NT5C3A: variants seen among roughly 807,000 people sequenced by gnomAD.
The protein encoded by NT5C3A is cytosolic 5'-nucleotidase 3A.
NT5C3A carries 23 observed loss-of-function variants against 40.0 expected under a neutral mutation model. The observed-to-expected ratio is 0.58, with a 90% confidence interval of 0.41 to 0.81. The LOEUF (loss-of-function observed/expected upper bound fraction) is 0.81, where lower values mean the gene tolerates loss of function less well. Ranked by LOEUF, NT5C3A falls within the 40% of genes least tolerant of loss-of-function variation. The pLI is 0.00. For synonymous variants in NT5C3A, 130 were observed against 141.4 expected (o/e 0.92, Z 0.57); for missense variants, 328 against 403.0 (o/e 0.81, Z 1.59).
At chr7:33,025,673 A>G (rs1332649088) in intron 2 of NT5C3A, among the ~76,000 whole-genome samples, 2 of 152,342 alleles carry the variant, frequency 1.3e-5, no homozygotes, top group East Asian at 3.9e-4. Context: ...TGTACACAGC[A>G]TGAGTTAGCT....
At chr7:33,030,779 T>C (rs1786203849) in intron 1 of NT5C3A, among the ~76,000 whole-genome samples, 1 of 152,242 alleles carries the variant, frequency 6.6e-6, no homozygotes, top group Admixed American at 6.5e-5. Flanking sequence ...TGATATGATC[T>C]TGTGGATACA....
chr7:33,016,786 T>TGC (rs1785354750), intron 7 of NT5C3A, among the ~76,000 whole-genome samples: 2 of 152,210 alleles, frequency 1.3e-5, no homozygotes, highest in Non-Finnish European at 2.9e-5. Flanking sequence ...CATAATATAC[T>TGC]GCCTTGATTA....
intron 7 of NT5C3A, chr7:33,016,072 C>G (rs984867200): frequency 3.5e-6 from 2 of 571,490 alleles, no homozygotes; most frequent in Non-Finnish European, 3.1e-6. Flanking sequence ...TTTTTAGATA[C>G]TATTTTAAAT....
chr7:33,033,892 AT>A lies in NT5C3A; in HGVS notation c.139-6978del, dbSNP rs1283596000. 9.2e-5 allele frequency among the ~76,000 whole-genome samples: 8 copies of A among 87,356 alleles called. No individual in the cohort carries two copies. In the East Asian group the frequency reaches 1.7e-3, roughly 18 times the overall value. The allele number at this position is 87,356 out of a possible 152,430, so 57.3% of individuals were successfully genotyped here. A position where few individuals can be genotyped will look rare whatever the true frequency, so the allele number is the denominator to read the frequency against. ...ATATAAAAGACATATATATATATAT[AT>A]AATTTTTTTTTTTTTTGAGAGGGAG... On this transcript the variant is annotated intron_variant, in intron 1 of 8. Transcript: ENST00000610140.
chr7:33,021,957 C>T (rs1300159685), intron 4 of NT5C3A, 96 bp downstream of exon 4: 6 of 754,322 alleles, frequency 8.0e-6, no homozygotes, highest in African/African-American at 6.9e-5. Flanking sequence ...AAGCACTTTA[C>T]ATCCATTCTT....
chr7:33,027,924 C>T (rs1786036826), intron 1 of NT5C3A, among the ~76,000 whole-genome samples: 1 of 151,378 alleles, frequency 6.6e-6, no homozygotes, highest in African/African-American at 2.4e-5. Flanking sequence ...ATACATTTAG[C>T]TTGCCTACAT....
At chr7:33,036,669 A>C (rs1166830711) in intron 1 of NT5C3A, among the ~76,000 whole-genome samples, 4 of 152,196 alleles carry the variant, frequency 2.6e-5, no homozygotes, top group Admixed American at 2.6e-4. Context: ...TGTAAGGATG[A>C]AGTTTGTGGG....
At chr7:33,049,469 C>T (rs1331585302) in intron 1 of NT5C3A, among the ~76,000 whole-genome samples, 1 of 152,090 alleles carries the variant, frequency 6.6e-6, no homozygotes, top group East Asian at 1.9e-4. Context: ...GCCATAGATT[C>T]TATAACTTGT....
chr7:33,061,716 T>G (rs886432593), intron 1 of NT5C3A, among the ~76,000 whole-genome samples: 1 of 152,192 alleles, frequency 6.6e-6, no homozygotes, highest in Non-Finnish European at 1.5e-5. Context: ...TGACCCTAGA[T>G]GTTCACATGT....
rs79747923 is a variant in NT5C3A at position 33,059,803 on chromosome 7, C to T, written c.138+2765G>A. Among the ~76,000 whole-genome samples the T allele has an allele frequency of 4.8e-3, 737 of 152,282 alleles. 5 individuals carry two copies. The highest frequency in any genetic ancestry group is 0.017 in the African/African-American group (710 of 41,530). ...TCTCGGAAATGTTTGTCTCCTGATC[C>T]CTTATTTCCATACCTGTTGCTAGTG... On this transcript the variant is annotated intron_variant, in intron 1 of 8. Transcript: ENST00000610140.
At chr7:33,023,830 C>A in intron 3 of NT5C3A, 2 of 553,768 alleles carry the variant, frequency 3.6e-6, no homozygotes, top group Non-Finnish European at 3.2e-6. Flanking sequence ...GTCTCTGATT[C>A]CCTTTGCTAC....
intron 1 of NT5C3A, chr7:33,041,084 C>T: frequency 5.1e-6 from 5 of 984,924 alleles, no homozygotes; most frequent in Non-Finnish European, 6.0e-6. Flanking sequence ...ATCTACATAA[C>T]ATTATCAATT....
intron 1 of NT5C3A, among the ~76,000 whole-genome samples, chr7:33,039,708 G>C (rs1786822428): frequency 6.6e-6 from 1 of 151,322 alleles, no homozygotes; most frequent in African/African-American, 2.4e-5. Flanking sequence ...CAGCGGTGGG[G>C]AAAAAGAAAC....
chr7:33,052,439 T>C (rs1485473792), intron 1 of NT5C3A, among the ~76,000 whole-genome samples: 2 of 126,906 alleles, frequency 1.6e-5, no homozygotes, highest in East Asian at 4.6e-4. Context: ...TGAGCCAAGA[T>C]CGCATCACTA....
At chr7:33,038,337 T>C (rs1786720018) in intron 1 of NT5C3A, among the ~76,000 whole-genome samples, 1 of 152,156 alleles carries the variant, frequency 6.6e-6, no homozygotes. Flanking sequence ...AGAAATCCTC[T>C]TTATTCTCTA....
At chr7:33,031,779 T>C (rs1196582421) in intron 1 of NT5C3A, among the ~76,000 whole-genome samples, 1 of 152,150 alleles carries the variant, frequency 6.6e-6, no homozygotes, top group Non-Finnish European at 1.5e-5. Flanking sequence ...GTACTTTTAA[T>C]TTATAAATAT....
At chr7:33,044,503 C>T (rs1471267483) in intron 1 of NT5C3A, among the ~76,000 whole-genome samples, 2 of 152,092 alleles carry the variant, frequency 1.3e-5, no homozygotes, top group Non-Finnish European at 2.9e-5. Flanking sequence ...GGGCCTGTTG[C>T]CTTGGAGTTT....
rs3750119 is a variant in NT5C3A, at chr7:33,021,787, T to C, written c.354+266A>G. 320,461 of 466,606 alleles carry C rather than the reference T, an allele frequency of 0.69. 111,550 individuals carry two copies. The highest frequency in any genetic ancestry group is 0.77 in the African/African-American group (38,943 of 50,678). 28.9% of individuals were successfully genotyped at this position (466,606 alleles called of 1,614,324 possible). A position where few individuals can be genotyped will look rare whatever the true frequency, so the allele number is the denominator to read the frequency against. On this transcript the variant is annotated intron_variant, in intron 4 of 8. Coordinates refer to ENST00000610140, the MANE Select transcript of NT5C3A (RefSeq NM_001002010.5). ...TTTGTTTTAAATCTCCAGTTAACGTTACAACACCAGAATACTTTGGTAATC... is the reference window on the plus strand; with the variant it reads ...TTTGTTTTAAATCTCCAGTTAACGTCACAACACCAGAATACTTTGGTAATC...
intron 1 of NT5C3A, among the ~76,000 whole-genome samples, chr7:33,046,267 A>G (rs559120998): frequency 6.6e-6 from 1 of 152,234 alleles, no homozygotes; most frequent in Admixed American, 6.5e-5. Context: ...CCTGGGGCTG[A>G]GGCTCACATC....
Sources: allele counts gnomAD v4.1 joint callset (sites outside exome capture counted in the v4.1 genomes callset), GRCh38; gene constraint gnomAD v4.1.1; transcripts MANE v1.5; gene names NCBI Gene and HGNC (gene_info 2026-07-23, HGNC 2026-07-21).